DMRTA1: variants seen among roughly 807,000 people sequenced by gnomAD.
DMRTA1 encodes doublesex- and mab-3-related transcription factor A1.
Under a neutral mutation model 35.2 loss-of-function variants are expected in DMRTA1, and 34 were observed. That is an observed-to-expected ratio of 0.97 (90% CI 0.74 to 1.29). The LOEUF is 1.29. Among genes scored for constraint, DMRTA1 ranks in the 50% most tolerant of loss-of-function variants. The pLI is 0.00. For synonymous variants in DMRTA1, 344 were observed against 276.6 expected, an observed-to-expected ratio of 1.24 and a Z score of -2.42; for missense variants, 824 against 644.6, an observed-to-expected ratio of 1.28 and a Z score of -3.01.
At chr9:22,448,888 C>T (rs144902211) in intron 1 of DMRTA1, among the ~76,000 whole-genome samples, 3 of 152,276 alleles carry the variant, frequency 2.0e-5, no homozygotes, top group African/African-American at 4.8e-5. Flanking sequence ...GCAAAACAGA[C>T]TTTCTACAAT....
rs1409420584 is a variant in DMRTA1, at chr9:22,453,676, A to C, written c.*1765A>C. The C allele has an allele frequency of 6.6e-6, 1 of 152,084 alleles. No homozygotes were observed. The highest frequency in any genetic ancestry group is 1.5e-5 in the Non-Finnish European group (1 of 67,958). The allele number at this position is 152,084 out of a possible 1,614,324, so 9.4% of individuals were successfully genotyped here. A position where few individuals can be genotyped will look rare whatever the true frequency, so the allele number is the denominator to read the frequency against. On this transcript the variant is annotated 3_prime_UTR_variant, in exon 2 of 2. Transcript: ENST00000325870. ...TAGATCTCTTTGAGACTCTGATAAA[A>C]CTGAAGAACTCTACAAAATGGCGTA...
At position 22,451,715 on chromosome 9, in the gene DMRTA1, C is replaced by A; in HGVS notation, c.1319C>A (p.Ala440Glu). Residue 440 changes from alanine to glutamate, a missense_variant, in exon 2 of 2, where the codon GCA (alanine) becomes GAA (glutamate). Coordinates refer to ENST00000325870, the MANE Select transcript of DMRTA1 (RefSeq NM_022160.3). ...PRVGISPLRLAYSSAGRGLSG... is the reference protein window; with the variant it reads ...PRVGISPLRLEYSSAGRGLSG... ...GTAGGTATCAGTCCATTAAGGCTGGCATATTCTTCTGCAGGAAGAGGGTTA... is the reference window on the plus strand; with the variant it reads ...GTAGGTATCAGTCCATTAAGGCTGGAATATTCTTCTGCAGGAAGAGGGTTA... 1 of 1,614,110 alleles carries A rather than the reference C, an allele frequency of 6.2e-7. No individual in the cohort carries two copies. Among genetic ancestry groups the A allele is most frequent in the South Asian group, 1.1e-5 (1 of 91,082 alleles).
Position 22,447,076 on chromosome 9 carries a change from C to T in DMRTA1, c.11C>T (p.Ser4Leu). Residue 4 changes from serine (S) to leucine (L), a missense_variant, in exon 1 of 2, where the codon TCA (serine) becomes TTA (leucine). Physicochemically the swap from Ser to Leu is moderately radical, Grantham distance 145. Coordinates refer to ENST00000325870, the MANE Select transcript of DMRTA1 (RefSeq NM_022160.3). MER[S>L]QCGSRDRGVS... ...AGAAATTTCTCGGGAATGGAGCGGT[C>T]ACAGTGTGGCAGCAGAGACCGAGGC... 1 of 1,609,288 alleles carries T rather than the reference C, an allele frequency of 6.2e-7. No individual in the cohort carries two copies. Among genetic ancestry groups the T allele is most frequent in the South Asian group, 1.1e-5 (1 of 90,392 alleles).
In DMRTA1 at chr9:22,455,100, A is replaced by ACC. The variant is rs1164654690; in HGVS notation, c.*3189_*3190insCC. 1.3e-5 allele frequency: 2 copies of ACC among 152,230 alleles called. No individual in the cohort carries two copies. Among genetic ancestry groups the ACC allele is most frequent in the African/African-American group, 2.4e-5 (1 of 41,460 alleles). 9.4% of individuals were successfully genotyped at this position (152,230 alleles called of 1,614,324 possible). A position where few individuals can be genotyped will look rare whatever the true frequency, so the allele number is the denominator to read the frequency against. On this transcript the variant is annotated 3_prime_UTR_variant, in exon 2 of 2. Coordinates refer to ENST00000325870, the MANE Select transcript of DMRTA1 (RefSeq NM_022160.3). ...GCCTATGTGATAGCCTCCTGAGAGT[A>ACC]GGCAGAAAAGAAAGACATAGAACGC...
chr9:22,447,406 G>C lies in DMRTA1; in HGVS notation c.341G>C (p.Arg114Pro). The change falls in exon 1 of 2, where the codon CGC (arginine) becomes CCC (proline). Residue 114 changes from arginine to proline, a missense_variant. Coordinates refer to ENST00000325870, the MANE Select transcript of DMRTA1 (RefSeq NM_022160.3). Reference protein sequence around the residue: ...GVVSALKGHKRFCRWRDCACA... With the variant: ...GVVSALKGHKPFCRWRDCACA... Reference sequence around the variant, plus strand: ...GTGTCAGCGCTCAAGGGCCACAAGCGCTTCTGCCGCTGGCGGGACTGCGCG... The same window carrying C: ...GTGTCAGCGCTCAAGGGCCACAAGCCCTTCTGCCGCTGGCGGGACTGCGCG... 2 of 1,553,642 alleles carry C rather than the reference G, an allele frequency of 1.3e-6. No homozygotes were observed. Among genetic ancestry groups the C allele is most frequent in the Non-Finnish European group, 1.7e-6 (2 of 1,151,016 alleles).
chr9:22,451,061 C>T lies in DMRTA1; in HGVS notation c.668-3C>T. The stretch of plus-strand genomic sequence containing the variant: ...TTGATTTTTTTTTCCCCCTCTTCTC[C>T]AGAACAAAAAGAGAGTAAATGTGAG... On this transcript the variant is annotated splice_region_variant and splice_polypyrimidine_tract_variant and intron_variant, in intron 1 of 1. Coordinates refer to ENST00000325870, the MANE Select transcript of DMRTA1 (RefSeq NM_022160.3). The T allele has an allele frequency of 1.2e-6, 2 of 1,604,306 alleles. No individual in the cohort carries two copies. Among genetic ancestry groups the T allele is most frequent in the Non-Finnish European group, 1.7e-6 (2 of 1,175,456 alleles).
Position 22,452,833 on chromosome 9 carries a change from A to G in DMRTA1, c.*922A>G, listed in dbSNP as rs1051111259. The G allele has an allele frequency of 6.6e-6, 1 of 152,146 alleles. No homozygotes were observed. The highest frequency in any genetic ancestry group is 6.5e-5 in the Admixed American group (1 of 15,278). 9.4% of individuals were successfully genotyped at this position (152,146 alleles called of 1,614,324 possible). ...ATCCTTAAAAGTTTGGGACAAGAAT[A>G]TATGGCAGCCATTCTCAAAGGTAAG... On this transcript the variant is annotated 3_prime_UTR_variant, in exon 2 of 2. Coordinates refer to ENST00000325870, the MANE Select transcript of DMRTA1 (RefSeq NM_022160.3).
chr9:22,447,138 G>C lies in DMRTA1; in HGVS notation c.73G>C (p.Val25Leu), dbSNP rs769299301. 6.2e-7 allele frequency: 1 copy of C among 1,605,028 alleles called. No homozygotes were observed. The highest frequency in any genetic ancestry group is 1.7e-5 in the Admixed American group (1 of 59,612). The change falls in exon 1 of 2, where the codon GTG becomes CTG. Residue 25 changes from valine (V) to leucine (L), a missense_variant. Val to Leu is a conservative substitution (Grantham distance 32). Transcript: ENST00000325870. ...ACCTCACTTGGCCCCTGGGCTAGTG[G>C]TGGCTGCCCCTCCGCCCCCGTCCCC... is the stretch of plus-strand genomic sequence containing the variant. ...GRPHLAPGLV[V>L]AAPPPPSPAL...
rs2117969522 is a variant in DMRTA1, at chr9:22,454,243, T to G, written c.*2332T>G. 1.3e-5 allele frequency: 2 copies of G among 152,166 alleles called. No homozygotes were observed. The highest frequency in any genetic ancestry group is 3.9e-4 in the East Asian group (2 of 5,160). 9.4% of individuals were successfully genotyped at this position (152,166 alleles called of 1,614,324 possible). On this transcript the variant is annotated 3_prime_UTR_variant, in exon 2 of 2. Transcript: ENST00000325870. Reference sequence around the variant, plus strand: ...TCTGCAGTGGAATTACTGTGCTCACTTCAGCAATTTCAGACTCCAATGTCT... The same window carrying G: ...TCTGCAGTGGAATTACTGTGCTCACGTCAGCAATTTCAGACTCCAATGTCT...
Position 22,446,960 on chromosome 9 carries a change from A to C in DMRTA1, c.-106A>C, listed in dbSNP as rs1427765363. The C allele has an allele frequency of 1.3e-4, 186 of 1,425,310 alleles. No homozygotes were observed. The highest frequency in any genetic ancestry group is 1.2e-5 in the Non-Finnish European group (13 of 1,053,854). 88.3% of individuals were successfully genotyped at this position (1,425,310 alleles called of 1,614,324 possible). ...TTTTGTCCGTGCGCGGGTGGAGCTC[A>C]GTAGGACCACGGCGCGTCCTGCCCC... On this transcript the variant is annotated 5_prime_UTR_variant, in exon 1 of 2. Coordinates refer to ENST00000325870, the MANE Select transcript of DMRTA1 (RefSeq NM_022160.3).
chr9:22,447,512 G>C lies in DMRTA1; in HGVS notation c.447G>C (p.Glu149Asp), dbSNP rs1216633694. 1.3e-6 allele frequency: 2 copies of C among 1,570,804 alleles called. No homozygotes were observed. The highest frequency in any genetic ancestry group is 1.7e-4 in the Middle Eastern group (1 of 5,778). ...CGCTGCGCAGGCAGCAGGCGCAGGAGGAGAGCGAAGCCCGGGGGCTACAGA... is the reference window on the plus strand; with the variant it reads ...CGCTGCGCAGGCAGCAGGCGCAGGACGAGAGCGAAGCCCGGGGGCTACAGA... ...QVALRRQQAQEESEARGLQRL... is the reference protein window; with the variant it reads ...QVALRRQQAQDESEARGLQRL... The change falls in exon 1 of 2, where the codon GAG (glutamate) becomes GAC (aspartate). Residue 149 changes from glutamate to aspartate, a missense_variant. Glu to Asp is a conservative substitution (Grantham distance 45). Transcript: ENST00000325870.
chr9:22,449,251 G>A (rs75011111), intron 1 of DMRTA1, among the ~76,000 whole-genome samples: 3,936 of 152,232 alleles, frequency 0.026, 174 homozygotes, highest in African/African-American at 0.09. Flanking sequence ...AAGACTAACA[G>A]TGATTTAGAA....
rs555297669 is a variant in DMRTA1, at chr9:22,447,210, C to A, written c.145C>A (p.Arg49=). Residue 49 remains arginine, a synonymous_variant, in exon 1 of 2, where the codon CGG becomes AGG. Transcript: ENST00000325870. The part of the protein sequence containing the change: ...SGMQVPPAFL[R]PPSLFLRAAA... ...GATGCAGGTTCCCCCAGCGTTCCTG[C>A]GGCCGCCCAGCCTCTTTCTGCGAGC... 37 of 1,576,780 alleles carry A rather than the reference C, an allele frequency of 2.3e-5. No homozygotes were observed. The South Asian group carries it at 3.8e-4, about 16-fold the overall frequency.
At position 22,451,076 on chromosome 9, in the gene DMRTA1, G is replaced by T. The variant is rs370396351; in HGVS notation, c.680G>T (p.Ser227Ile). Residue 227 changes from serine (S) to isoleucine (I), a missense_variant, in exon 2 of 2, where the codon AGT becomes ATT. By Grantham distance (142) the Ser-to-Ile change is moderately radical. Coordinates refer to ENST00000325870, the MANE Select transcript of DMRTA1 (RefSeq NM_022160.3). ...CCCTCTTCTCCAGAACAAAAAGAGA[G>T]TAAATGTGAGTCATGCCAGAATGGA... ...YPEEKQEQKESKCESCQNGQE... is the reference protein window; with the variant it reads ...YPEEKQEQKEIKCESCQNGQE... 6.2e-7 allele frequency: 1 copy of T among 1,611,930 alleles called. No homozygotes were observed. The highest frequency in any genetic ancestry group is 8.5e-7 in the Non-Finnish European group (1 of 1,179,350).
rs578145363 is a variant in DMRTA1 at position 22,453,699 on chromosome 9, G to A, written c.*1788G>A. ...AAACTGAAGAACTCTACAAAATGGC[G>A]TACAGACACACAGTTTTGCATACAA... is the stretch of plus-strand genomic sequence containing the variant. On this transcript the variant is annotated 3_prime_UTR_variant, in exon 2 of 2. Coordinates refer to ENST00000325870, the MANE Select transcript of DMRTA1 (RefSeq NM_022160.3). 44 of 152,082 alleles carry A rather than the reference G, an allele frequency of 2.9e-4. No homozygotes were observed. The highest frequency in any genetic ancestry group is 4.3e-4 in the African/African-American group (18 of 41,522). The allele number at this position is 152,082 out of a possible 1,614,324, so 9.4% of individuals were successfully genotyped here.
In DMRTA1 at chr9:22,451,092, C is replaced by A. The variant is rs778714494; in HGVS notation, c.696C>A (p.Cys232Ter). 6.2e-6 allele frequency: 10 copies of A among 1,613,260 alleles called. No individual in the cohort carries two copies. Among genetic ancestry groups the A allele is most frequent in the Middle Eastern group, 1.7e-4 (1 of 6,058 alleles). The part of the protein sequence containing the change: ...QEQKESKCES[C>*]QNGQEELISK... ...AAAAAGAGAGTAAATGTGAGTCATGCCAGAATGGACAAGAAGAACTGATCT... is the reference window on the plus strand; with the variant it reads ...AAAAAGAGAGTAAATGTGAGTCATGACAGAATGGACAAGAAGAACTGATCT... Residue 232 changes from cysteine to a stop codon, truncating the protein, a stop_gained, in exon 2 of 2, where the codon TGC becomes TGA. Transcript: ENST00000325870. LOFTEE classifies it high-confidence loss of function.
Position 22,447,080 on chromosome 9 carries a change from G to A in DMRTA1, c.15G>A (p.Gln5=), listed in dbSNP as rs755146229. Residue 5 remains glutamine (Q), a synonymous_variant, in exon 1 of 2, where the codon CAG becomes CAA. Transcript: ENST00000325870. ...ATTTCTCGGGAATGGAGCGGTCACA[G>A]TGTGGCAGCAGAGACCGAGGCGTTA... is the stretch of plus-strand genomic sequence containing the variant. MERS[Q]CGSRDRGVSG... is the part of the protein sequence containing the mutation. 5.0e-6 allele frequency: 8 copies of A among 1,609,362 alleles called. No individual in the cohort carries two copies. The African/African-American group carries it at 9.4e-5, about 19-fold the overall frequency.
rs1818916621 is a variant in DMRTA1 at position 22,451,060 on chromosome 9, C to G, written c.668-4C>G. On this transcript the variant is annotated splice_region_variant and splice_polypyrimidine_tract_variant and intron_variant, in intron 1 of 1. Transcript: ENST00000325870. The stretch of plus-strand genomic sequence containing the variant: ...TTTGATTTTTTTTTCCCCCTCTTCT[C>G]CAGAACAAAAAGAGAGTAAATGTGA... The G allele has an allele frequency of 1.9e-6, 3 of 1,604,568 alleles. No homozygotes were observed. In the East Asian group the frequency reaches 6.7e-5, roughly 36 times the overall value.
At position 22,446,890 on chromosome 9, in the gene DMRTA1, G is replaced by A. The variant is rs1390738898; in HGVS notation, c.-176G>A. 2.7e-6 allele frequency: 2 copies of A among 748,608 alleles called. No homozygotes were observed. Among genetic ancestry groups the A allele is most frequent in the South Asian group, 1.9e-5 (1 of 51,962 alleles). 46.4% of individuals were successfully genotyped at this position (748,608 alleles called of 1,614,324 possible). A position where few individuals can be genotyped will look rare whatever the true frequency, so the allele number is the denominator to read the frequency against. ...GCACCTCTCAGCGTCTCCAGCTCCAGGACGCGGTCGTCCCAACTCCTTCCG... is the reference window on the plus strand; with the variant it reads ...GCACCTCTCAGCGTCTCCAGCTCCAAGACGCGGTCGTCCCAACTCCTTCCG... On this transcript the variant is annotated 5_prime_UTR_variant, in exon 1 of 2. Coordinates refer to ENST00000325870, the MANE Select transcript of DMRTA1 (RefSeq NM_022160.3).
Sources: allele counts gnomAD v4.1 joint callset (sites outside exome capture counted in the v4.1 genomes callset), GRCh38; gene constraint gnomAD v4.1.1; transcripts MANE v1.5; gene names NCBI Gene and HGNC (gene_info 2026-07-23, HGNC 2026-07-21).